The following SLC24A2 variants were observed in gnomAD, a reference collection of about 807,000 sequenced individuals.
The protein encoded by SLC24A2 is sodium/potassium/calcium exchanger 2.
SLC24A2 carries 36 observed loss-of-function variants against 62.0 expected under a neutral mutation model. The ratio of observed to expected loss-of-function variants is 0.58; its 90% CI spans 0.44 to 0.77. The LOEUF (loss-of-function observed/expected upper bound fraction) is 0.77. SLC24A2 is among the 30% of genes least tolerant of loss of function. The probability of loss-of-function intolerance (pLI) is 0.00; values close to 1 mark genes in which losing one functional copy is unlikely to be tolerated. For missense variants in SLC24A2, 846 were observed against 817.9 expected (o/e 1.03, Z -0.42); for synonymous variants, 358 against 294.0 (o/e 1.22, Z -2.23).
At chr9:19,884,584 T>A in the SLC24A2 span, among the ~76,000 whole-genome samples, 10 of 152,214 alleles carry the variant, frequency 6.6e-5, no homozygotes, top group Non-Finnish European at 1.5e-4. Context: ...TATATATTCC[T>A]AAAATATATT....
At chr9:20,063,731 T>C in the SLC24A2 span, among the ~76,000 whole-genome samples, 6 of 151,932 alleles carry the variant, frequency 3.9e-5, no homozygotes, top group East Asian at 1.2e-3. Context: ...AATTAGAAAA[T>C]GAGCAAAATA....
At chr9:20,274,818 A>G in the SLC24A2 span, among the ~76,000 whole-genome samples, 1 of 151,302 alleles carries the variant, frequency 6.6e-6, no homozygotes, top group African/African-American at 2.4e-5. Flanking sequence ...CCCTTGTCAG[A>G]CCCCTCTCTG....
At chr9:20,000,634 G>A in the SLC24A2 span, among the ~76,000 whole-genome samples, 1,330 of 152,208 alleles carry the variant, frequency 8.7e-3, 14 homozygotes, top group African/African-American at 0.031. Context: ...CTCTTCTCCC[G>A]CAGTCTCCAT....
the SLC24A2 span, among the ~76,000 whole-genome samples, chr9:20,224,777 G>C: frequency 6.6e-6 from 1 of 152,024 alleles, no homozygotes; most frequent in Non-Finnish European, 1.5e-5. Context: ...TGCTGTTGGG[G>C]CCCTGCCCAG....
chr9:19,537,220 G>C (rs1465542994), intron 8 of SLC24A2, among the ~76,000 whole-genome samples: 1 of 144,378 alleles, frequency 6.9e-6, no homozygotes, highest in Non-Finnish European at 1.5e-5. Flanking sequence ...GATCCCATTT[G>C]TCAATTTTGT....
chr9:20,205,546 G>A, the SLC24A2 span, among the ~76,000 whole-genome samples: 1 of 150,808 alleles, frequency 6.6e-6, no homozygotes, highest in African/African-American at 2.4e-5. Flanking sequence ...AGCTACTCAG[G>A]AGGCTGAGGC....
chr9:20,075,241 T>C, the SLC24A2 span, among the ~76,000 whole-genome samples: 1 of 152,206 alleles, frequency 6.6e-6, no homozygotes, highest in Non-Finnish European at 1.5e-5. Context: ...AATTAGTATG[T>C]GCCTAACACC....
chr9:19,853,332 T>G, the SLC24A2 span, among the ~76,000 whole-genome samples: 1 of 152,194 alleles, frequency 6.6e-6, no homozygotes, highest in Non-Finnish European at 1.5e-5. Flanking sequence ...TGGCCAGAAC[T>G]TCCAATACTA....
At chr9:19,931,775 A>G in the SLC24A2 span, among the ~76,000 whole-genome samples, 1 of 152,230 alleles carries the variant, frequency 6.6e-6, no homozygotes, top group Non-Finnish European at 1.5e-5. Context: ...ACAACAGCAC[A>G]AACAACCAGA....
At chr9:19,518,215 T>A (rs1231139774) in intron 10 of SLC24A2, among the ~76,000 whole-genome samples, 3 of 152,108 alleles carry the variant, frequency 2.0e-5, no homozygotes, top group Non-Finnish European at 4.4e-5. Flanking sequence ...TAAGTAAATG[T>A]AATGTTATAT....
the SLC24A2 span, among the ~76,000 whole-genome samples, chr9:20,195,851 T>A: frequency 6.6e-5 from 10 of 151,278 alleles, no homozygotes; most frequent in African/African-American, 9.7e-5. Flanking sequence ...GAAAAAAAAA[T>A]TTTTTAACTT....
chr9:19,862,934 G>A, the SLC24A2 span, among the ~76,000 whole-genome samples: 3 of 151,534 alleles, frequency 2.0e-5, no homozygotes, highest in Admixed American at 6.6e-5. Context: ...AAAGAAAGAA[G>A]GAAGAGAAGG....
At chr9:20,102,694 G>C in the SLC24A2 span, among the ~76,000 whole-genome samples, 4 of 149,464 alleles carry the variant, frequency 2.7e-5, no homozygotes, top group African/African-American at 9.9e-5. Flanking sequence ...AAAAAAAAAA[G>C]AAAATATAAA....
At chr9:19,959,801 TAAG>T in the SLC24A2 span, among the ~76,000 whole-genome samples, 1 of 152,156 alleles carries the variant, frequency 6.6e-6, no homozygotes, top group African/African-American at 2.4e-5. Flanking sequence ...GGTAGTGTGT[TAAG>T]AAGTTTACAC....
chr9:19,513,084 T>G lies in SLC24A2; in HGVS notation c.*3069A>C, dbSNP rs1476036654. On this transcript the variant is annotated 3_prime_UTR_variant, in exon 11 of 11. Coordinates refer to ENST00000341998, the MANE Select transcript of SLC24A2 (RefSeq NM_020344.4). ...CTTGATGCTCCCTGCTTTAGAATCC[T>G]GAATGTGATAGGGTCAGAGGGTGAT... 2 of 150,020 alleles carry G rather than the reference T, an allele frequency of 1.3e-5. No homozygotes were observed. The highest frequency in any genetic ancestry group is 2.9e-5 in the Non-Finnish European group (2 of 67,820). The allele number at this position is 150,020 out of a possible 1,614,324, so 9.3% of individuals were successfully genotyped here.
At chr9:19,555,000 T>C (rs1270693879) in intron 7 of SLC24A2, among the ~76,000 whole-genome samples, 1 of 152,156 alleles carries the variant, frequency 6.6e-6, no homozygotes, top group Non-Finnish European at 1.5e-5. Flanking sequence ...CTATAAGATA[T>C]CTTATTAATG....
At chr9:20,206,640 C>A in the SLC24A2 span, among the ~76,000 whole-genome samples, 1 of 151,946 alleles carries the variant, frequency 6.6e-6, no homozygotes, top group African/African-American at 2.4e-5. Context: ...CAGGCTTGCA[C>A]CCAGCTAATT....
At chr9:19,756,277 C>T (rs1248832563) in intron 2 of SLC24A2, among the ~76,000 whole-genome samples, 1 of 152,028 alleles carries the variant, frequency 6.6e-6, no homozygotes, top group Non-Finnish European at 1.5e-5. Context: ...AATCCATAAA[C>T]AAATGGATGT....
chr9:20,051,278 T>C, the SLC24A2 span, among the ~76,000 whole-genome samples: 3 of 152,196 alleles, frequency 2.0e-5, no homozygotes, highest in Non-Finnish European at 2.9e-5. Flanking sequence ...ATAATTATAA[T>C]GCTTTAAATC....
Sources: gnomAD v4.1 joint callset for allele counts (sites outside exome capture counted in the v4.1 genomes callset) on GRCh38, gnomAD v4.1.1 for gene constraint, MANE v1.5 for transcripts, NCBI Gene and HGNC (gene_info 2026-07-23, HGNC 2026-07-21) for gene names.